NBAS: variants seen among roughly 807,000 people sequenced by gnomAD.
The protein encoded by NBAS is NAG/BC035112 fusion.
NBAS carries 219 observed loss-of-function variants against 302.5 expected under a neutral mutation model. The observed-to-expected ratio is 0.72, with a 90% CI of 0.65 to 0.81. NBAS has a LOEUF of 0.81. Ranked by LOEUF, NBAS falls within the 30% of genes least tolerant of loss-of-function variation. The pLI, the probability that NBAS is intolerant of heterozygous loss-of-function variation, is 0.00. For synonymous variants in NBAS, 1,118 were observed against 1,021.6 expected, an observed-to-expected ratio of 1.09 and a Z score of -1.80; for missense variants, 2,932 against 2,841.6, an observed-to-expected ratio of 1.03 and a Z score of -0.72.
At chr2:15,557,767 G>C (rs1664715909) in intron 2 of NBAS, among the ~76,000 whole-genome samples, 1 of 145,480 alleles carries the variant, frequency 6.9e-6, no homozygotes, top group East Asian at 1.9e-4. Context: ...AATCATAAAG[G>C]AGTAACGGCA....
the NBAS span, among the ~76,000 whole-genome samples, chr2:14,794,900 G>A: frequency 6.6e-5 from 10 of 152,236 alleles, no homozygotes; most frequent in African/African-American, 2.4e-4. Context: ...CTGCATAATT[G>A]AGATACACCT....
chr2:14,977,443 A>C, the NBAS span, among the ~76,000 whole-genome samples: 1 of 152,244 alleles, frequency 6.6e-6, no homozygotes, highest in South Asian at 2.1e-4. Context: ...TTAAGAATCA[A>C]GGCACATTAG....
the NBAS span, among the ~76,000 whole-genome samples, chr2:14,966,085 AC>A: frequency 2.0e-5 from 3 of 152,220 alleles, no homozygotes; most frequent in African/African-American, 7.2e-5. Context: ...ACCCCAGAAC[AC>A]CAAGGGTTGC....
chr2:15,254,691 TCC>T (rs1668512750), intron 44 of NBAS, among the ~76,000 whole-genome samples: 1 of 152,070 alleles, frequency 6.6e-6, no homozygotes, highest in Non-Finnish European at 1.5e-5. Context: ...TCTCTCTCAT[TCC>T]CCTCCACCCT....
intron 44 of NBAS, among the ~76,000 whole-genome samples, chr2:15,254,466 A>G (rs1668496818): frequency 6.6e-6 from 1 of 152,178 alleles, no homozygotes; most frequent in Non-Finnish European, 1.5e-5. Context: ...TAGAAAGGTG[A>G]TTACACAGTG....
chr2:15,387,403 CT>C (rs1003213921), intron 28 of NBAS, among the ~76,000 whole-genome samples: 17 of 152,088 alleles, frequency 1.1e-4, no homozygotes, highest in African/African-American at 3.9e-4. Context: ...GTAACTGGCT[CT>C]AAATGAACTT....
chr2:15,438,015 C>T (rs1273812886), intron 21 of NBAS, among the ~76,000 whole-genome samples: 1 of 152,222 alleles, frequency 6.6e-6, no homozygotes, highest in Admixed American at 6.5e-5. Context: ...ACACCTGCGG[C>T]TGACAGTCAA....
At chr2:15,190,214 A>C in intron 49 of NBAS, 50 bp downstream of exon 49, 2 of 1,603,584 alleles carry the variant, frequency 1.2e-6, no homozygotes, top group Non-Finnish European at 1.7e-6. Context: ...TTTAGGGCTA[A>C]AGTCCAAACA....
chr2:15,510,064 G>A lies in NBAS; in HGVS notation c.885+1148C>T, dbSNP rs1662066032. On this transcript the variant is annotated intron_variant, in intron 10 of 51. Coordinates refer to ENST00000281513, the MANE Select transcript of NBAS (RefSeq NM_015909.4). The stretch of plus-strand genomic sequence containing the variant: ...GGGGTTTCACCATGTTGCTCAGGCT[G>A]GTCTTGAACTCCTGACCTCGTGATC... Among the ~76,000 whole-genome samples, 9 of 152,264 alleles carry A rather than the reference G, an allele frequency of 5.9e-5. No individual in the cohort carries two copies. In the South Asian group the frequency reaches 1.9e-3, roughly 32 times the overall value.
At chr2:14,833,838 AT>A in the NBAS span, among the ~76,000 whole-genome samples, 1 of 151,846 alleles carries the variant, frequency 6.6e-6, no homozygotes, top group Non-Finnish European at 1.5e-5. Flanking sequence ...GATATCTCAA[AT>A]TTTTTCTAAA....
At chr2:14,805,103 C>T in the NBAS span, among the ~76,000 whole-genome samples, 4,934 of 152,166 alleles carry the variant, frequency 0.032, 249 homozygotes, top group African/African-American at 0.11. Context: ...AGTCATTATC[C>T]GCCACAGGAT....
At chr2:15,292,128 C>A (rs750263436) in intron 41 of NBAS, among the ~76,000 whole-genome samples, 4 of 152,126 alleles carry the variant, frequency 2.6e-5, no homozygotes, top group Non-Finnish European at 5.9e-5. Flanking sequence ...GCATATGCTA[C>A]TACACCTGGC....
intron 47 of NBAS, among the ~76,000 whole-genome samples, chr2:15,222,020 T>C: frequency 6.6e-6 from 1 of 152,304 alleles, no homozygotes; most frequent in Non-Finnish European, 1.5e-5. Flanking sequence ...TATTCGTATA[T>C]TGGAGATGGA....
chr2:15,132,297 A>C, the NBAS span, among the ~76,000 whole-genome samples: 1 of 152,252 alleles, frequency 6.6e-6, no homozygotes, highest in Non-Finnish European at 1.5e-5. Flanking sequence ...ATTTATGTAC[A>C]TACTTCTAAG....
chr2:14,972,611 C>T, the NBAS span, among the ~76,000 whole-genome samples: 10 of 152,104 alleles, frequency 6.6e-5, no homozygotes, highest in Admixed American at 4.6e-4. Flanking sequence ...TTCTCACAGG[C>T]TAAAAGAAGT....
At chr2:15,560,457 C>T (rs1041187875) in intron 1 of NBAS, among the ~76,000 whole-genome samples, 12 of 152,218 alleles carry the variant, frequency 7.9e-5, no homozygotes, top group African/African-American at 2.9e-4. Context: ...GCTCACATCG[C>T]TAACTATAGC....
chr2:15,277,208 T>C, intron 42 of NBAS, 107 bp from the exon 43 acceptor site: 1 of 1,400,388 alleles, frequency 7.1e-7, no homozygotes, highest in South Asian at 1.4e-5. Context: ...CCCTTCTTCC[T>C]GCCTACTCAA....
At chr2:15,250,068 C>G (rs896542685) in intron 44 of NBAS, among the ~76,000 whole-genome samples, 1 of 152,052 alleles carries the variant, frequency 6.6e-6, no homozygotes, top group African/African-American at 2.4e-5. Flanking sequence ...AACTATACTA[C>G]AAGGCTACAG....
Position 15,249,049 on chromosome 2 carries a change from G to A in NBAS, c.5725-10363C>T, listed in dbSNP as rs539145391. Among the ~76,000 whole-genome samples, 141 of 152,066 alleles carry A rather than the reference G, an allele frequency of 9.3e-4. 1 individual carries two copies. Among genetic ancestry groups the A allele is most frequent in the Non-Finnish European group, 1.7e-3 (117 of 67,998 alleles). On this transcript the variant is annotated intron_variant, in intron 44 of 51. Coordinates refer to ENST00000281513, the MANE Select transcript of NBAS (RefSeq NM_015909.4). ...CAGGCCAATATCCCTGATGAACATC[G>A]ATGCAAAAATCCTCAATAAAATACT...
Sources: allele counts gnomAD v4.1 joint callset (sites outside exome capture counted in the v4.1 genomes callset), GRCh38; gene constraint gnomAD v4.1.1; transcripts MANE v1.5; gene names NCBI Gene and HGNC (gene_info 2026-07-23, HGNC 2026-07-21).